Variants in AMZ2 observed in about 807,000 individuals in gnomAD.
AMZ2 encodes archaelysin family metallopeptidase 2.
Under a neutral mutation model 36.7 loss-of-function variants are expected in AMZ2, and 26 were observed. The observed-to-expected ratio is 0.71, with a 90% CI of 0.52 to 0.98. The LOEUF is 0.98. AMZ2 is among the 50% of genes least tolerant of loss of function. The probability of loss-of-function intolerance (pLI) is 0.00; values close to 1 mark genes in which losing one functional copy is unlikely to be tolerated. For synonymous variants in AMZ2, 144 were observed against 149.1 expected (o/e 0.97, Z 0.25); for missense variants, 394 against 430.5 (o/e 0.92, Z 0.75).
At position 68,248,690 on chromosome 17, in the gene AMZ2, T is replaced by A; in HGVS notation, c.-16T>A. 1 of 986,482 alleles carries A rather than the reference T, an allele frequency of 1.0e-6. No individual in the cohort carries two copies. Among genetic ancestry groups the A allele is most frequent in the Non-Finnish European group, 1.2e-6 (1 of 830,468 alleles). The allele number at this position is 986,482 out of a possible 1,614,324, so 61.1% of individuals were successfully genotyped here. A position where few individuals can be genotyped will look rare whatever the true frequency, so the allele number is the denominator to read the frequency against. ...TAAGTTAAAAGCTTCCATGGGAGCC[T>A]TCCTTCCTAATCAAGGTAGGTAGAC... is the stretch of plus-strand genomic sequence containing the variant. On this transcript the variant is annotated 5_prime_UTR_variant, in exon 1 of 7. Coordinates refer to ENST00000359904, the MANE Select transcript of AMZ2 (RefSeq NM_016627.5).
rs2073755808 is a variant in AMZ2 at position 68,235,138 on chromosome 17, A to G, written c.-66-13502A>G. 6.6e-6 allele frequency among the ~76,000 whole-genome samples: 1 copy of G among 152,192 alleles called. No homozygotes were observed. Among genetic ancestry groups the G allele is most frequent in the African/African-American group, 2.4e-5 (1 of 41,456 alleles). ...TCAACAGGCCCTTTTGTCAGCGGGC[A>G]TTTCCGTAATTAGAACTTGTGACCA... On this transcript the variant is annotated intron_variant, in intron 1 of 7. Transcript: ENST00000674770. The surrounding 1 kb of genome is among the most constrained non-coding windows in gnomAD (Gnocchi z 4.2).
chr17:68,220,720 C>G (rs1224318474), intron 1 of AMZ2, among the ~76,000 whole-genome samples: 1 of 151,702 alleles, frequency 6.6e-6, no homozygotes, highest in African/African-American at 2.4e-5. Flanking sequence ...TCCAACCCTT[C>G]AGAGAAAGGC....
chr17:68,247,351 A>AGC (rs2074068468), upstream of AMZ2: 1 of 154,770 alleles, frequency 6.5e-6, no homozygotes, highest in African/African-American at 2.4e-5. Context: ...AAAAAAAAAA[A>AGC]AAAAAAAAAG....
rs57377263 is a variant in AMZ2 at position 68,235,482 on chromosome 17, A to G, written c.-66-13158A>G. Among the ~76,000 whole-genome samples the G allele has an allele frequency of 0.22, 33,221 of 152,122 alleles. 4,110 individuals carry two copies. The highest frequency in any genetic ancestry group is 0.41 in the East Asian group (2,096 of 5,152). On this transcript the variant is annotated intron_variant, in intron 1 of 7. Coordinates refer to the AMZ2 transcript ENST00000674770. The surrounding 1 kb of genome is among the most constrained non-coding windows in gnomAD (Gnocchi z 4.2). ...GTGCCTCAGCTGAACCCAAGTCCAC[A>G]GACCGTGGAGTTCGCGCCCTCTCAC...
Position 68,221,216 on chromosome 17 carries a change from C to CG in AMZ2, c.-67+14978_-67+14979insG, listed in dbSNP as rs1555728402. ...CCTGCCTCAGCCCTCAGCTCCCCCC[C>CG]CCGCCCCCCCGGTAGCTAGGACCCC... On this transcript the variant is annotated intron_variant, in intron 1 of 7. Transcript: ENST00000674770. Among the ~76,000 whole-genome samples the CG allele has an allele frequency of 1.7e-4, 16 of 92,144 alleles. 1 individual carries two copies. Among genetic ancestry groups the CG allele is most frequent in the East Asian group, 4.6e-4 (1 of 2,178 alleles). The allele number at this position is 92,144 out of a possible 152,430, so 60.5% of individuals were successfully genotyped here.
intron 1 of AMZ2, among the ~76,000 whole-genome samples, chr17:68,230,397 A>G (rs1158592092): frequency 6.6e-6 from 1 of 151,978 alleles, no homozygotes; most frequent in African/African-American, 2.4e-5. Flanking sequence ...TTCATCCAGC[A>G]CCCTGAAGTG....
chr17:68,222,382 T>A (rs782132716), intron 1 of AMZ2, among the ~76,000 whole-genome samples: 2 of 152,202 alleles, frequency 1.3e-5, no homozygotes, highest in African/African-American at 4.8e-5. Context: ...GTAGGGAGAT[T>A]GTTCTAGGGC....
At chr17:68,221,221 C>G (rs1383755736) in intron 1 of AMZ2, among the ~76,000 whole-genome samples, 2 of 98,074 alleles carry the variant, frequency 2.0e-5, no homozygotes, top group East Asian at 3.9e-4. Flanking sequence ...CCCCCCCCGC[C>G]CCCCCGGTAG....
At chr17:68,228,300 A>G (rs1427545988) in intron 1 of AMZ2, among the ~76,000 whole-genome samples, 1 of 152,152 alleles carries the variant, frequency 6.6e-6, no homozygotes, top group Non-Finnish European at 1.5e-5. Flanking sequence ...CAGTCTGACC[A>G]AAAGGGAAAC....
chr17:68,238,750 A>G (rs1409737516), intron 1 of AMZ2, among the ~76,000 whole-genome samples: 1 of 152,182 alleles, frequency 6.6e-6, no homozygotes, highest in African/African-American at 2.4e-5. Flanking sequence ...ATAAGCATCT[A>G]TTTGCTTCAG....
intron 1 of AMZ2, among the ~76,000 whole-genome samples, chr17:68,209,632 ATTTTT>A (rs1224207690): frequency 1.4e-4 from 13 of 90,682 alleles, no homozygotes; most frequent in African/African-American, 5.9e-4. Flanking sequence ...ATATATATAT[ATTTTT>A]TTTTTTTTTT....
At chr17:68,221,218 C>A (rs1353988504) in intron 1 of AMZ2, among the ~76,000 whole-genome samples, 3 of 94,956 alleles carry the variant, frequency 3.2e-5, no homozygotes, top group Admixed American at 1.0e-4. Flanking sequence ...CTCCCCCCCC[C>A]GCCCCCCCGG....
In AMZ2 at chr17:68,256,911, A is replaced by G; in HGVS notation, c.1025A>G (p.Glu342Gly). ...AATGGGAATTTACCGAAACCCGTGGAAGCCTTTAAGGAATGGAAAGAGTGG... is the reference window on the plus strand; with the variant it reads ...AATGGGAATTTACCGAAACCCGTGGGAGCCTTTAAGGAATGGAAAGAGTGG... ...EDNGNLPKPV[E>G]AFKEWKEWII... Residue 342 changes from glutamate to glycine, a missense_variant, in exon 7 of 7, where the codon GAA becomes GGA. Transcript: ENST00000359904. 6.2e-7 allele frequency: 1 copy of G among 1,614,218 alleles called. No individual in the cohort carries two copies. The highest frequency in any genetic ancestry group is 8.5e-7 in the Non-Finnish European group (1 of 1,180,048).
chr17:68,223,542 C>CT (rs67592687), intron 1 of AMZ2, among the ~76,000 whole-genome samples: 52,768 of 151,868 alleles, frequency 0.35, 10,108 homozygotes, highest in African/African-American at 0.52. Flanking sequence ...ATTTTCTTTT[C>CT]TTTTTTTCTT....
chr17:68,213,863 C>T (rs1599274676), intron 1 of AMZ2, among the ~76,000 whole-genome samples: 1 of 151,712 alleles, frequency 6.6e-6, no homozygotes, highest in Non-Finnish European at 1.5e-5. Flanking sequence ...TTTAAGATTT[C>T]CTTATCTTGG....
intron 1 of AMZ2, among the ~76,000 whole-genome samples, chr17:68,236,131 C>G (rs1387082322): frequency 6.6e-6 from 1 of 151,932 alleles, no homozygotes; most frequent in African/African-American, 2.4e-5. Flanking sequence ...CATCTGGTTT[C>G]CAAAATATTA....
chr17:68,218,714 G>A (rs2073266546), intron 1 of AMZ2, among the ~76,000 whole-genome samples: 1 of 152,242 alleles, frequency 6.6e-6, no homozygotes, highest in East Asian at 1.9e-4. Flanking sequence ...CACCTCAAAT[G>A]TGTTTAAAAC....
At chr17:68,239,815 T>C (rs191422676) in intron 1 of AMZ2, among the ~76,000 whole-genome samples, 36 of 152,316 alleles carry the variant, frequency 2.4e-4, no homozygotes, top group African/African-American at 8.2e-4. Context: ...CACCAGTTTT[T>C]TGTGCATCAT....
At chr17:68,244,151 CT>C (rs2073956857), upstream of AMZ2, among the ~76,000 whole-genome samples, 1 of 152,164 alleles carries the variant, frequency 6.6e-6, no homozygotes, top group South Asian at 2.1e-4. Flanking sequence ...AATGAATGAA[CT>C]CTGTGGTGTC....
Sources: gnomAD v4.1 joint callset for allele counts (sites outside exome capture counted in the v4.1 genomes callset) on GRCh38, gnomAD v4.1.1 for gene constraint, Gnocchi (gnomAD v3.1) non-coding constraint, MANE v1.5 for transcripts, NCBI Gene and HGNC (gene_info 2026-07-23, HGNC 2026-07-21) for gene names.